Variants in XRCC1 observed in about 807,000 individuals in gnomAD.
XRCC1 encodes the protein X-ray repair cross complementing 1, also known as DNA repair protein XRCC1.
A neutral mutation model predicts 83.3 loss-of-function variants in XRCC1; 52 were observed. That is an observed-to-expected ratio of 0.62 (90% CI 0.50 to 0.79). The LOEUF is 0.79. XRCC1 is among the 30% of genes least tolerant of loss of function. The probability of loss-of-function intolerance (pLI) is 0.00; values close to 1 mark genes in which losing one functional copy is unlikely to be tolerated. For synonymous variants in XRCC1, 281 were observed against 312.6 expected (o/e 0.90, Z 1.07); for missense variants, 793 against 823.5 (o/e 0.96, Z 0.45).
At chr19:43,572,164 C>A (rs1972811977) in intron 2 of XRCC1, among the ~76,000 whole-genome samples, 1 of 152,186 alleles carries the variant, frequency 6.6e-6, no homozygotes, top group Non-Finnish European at 1.5e-5. Flanking sequence ...CTTCTGCCTC[C>A]AGTCACTCTG....
At chr19:43,543,785 C>A in intron 15 of XRCC1, 98 bp from the exon 16 acceptor site, 1 of 1,146,262 alleles carries the variant, frequency 8.7e-7, no homozygotes, top group Non-Finnish European at 1.3e-6. Context: ...CACACTGTCC[C>A]CACCTATGCG....
intron 10 of XRCC1, among the ~76,000 whole-genome samples, chr19:43,550,066 G>A (rs1972559996): frequency 1.3e-5 from 2 of 151,962 alleles, no homozygotes; most frequent in Non-Finnish European, 2.9e-5. Context: ...AACAGAGCCT[G>A]CCCCTGCCCC....
chr19:43,557,792 C>CAAAAAAAAAAAAAAAAAA (rs35267441), intron 3 of XRCC1, among the ~76,000 whole-genome samples: 1 of 41,002 alleles, frequency 2.4e-5, no homozygotes, highest in East Asian at 9.3e-4. Context: ...AATTCCATCT[C>CAAAAAAAAAAAAAAAAAA]AAAAAAAAAA....
chr19:43,554,758 C>G lies in XRCC1; in HGVS notation c.302G>C (p.Ser101Thr). The part of the protein sequence containing the change: ...SSFMSPSESR[S>T]GSNPNRVRMF... ...GCGAACGCGGTTGGGGTTTGAGCCA[C>G]TGCGGCTCTCGGAAGGGGACATGAA... The change falls in exon 4 of 17, where the codon AGT (serine) becomes ACT (threonine). Residue 101 changes from serine (S) to threonine (T), a missense_variant. Physicochemically the swap from Ser to Thr is moderately conservative, Grantham distance 58. Coordinates refer to ENST00000262887, the MANE Select transcript of XRCC1 (RefSeq NM_006297.3). The G allele has an allele frequency of 6.2e-7, 1 of 1,613,908 alleles. No individual in the cohort carries two copies. Among genetic ancestry groups the G allele is most frequent in the Non-Finnish European group, 8.5e-7 (1 of 1,179,830 alleles).
chr19:43,560,963 C>A lies in XRCC1; in HGVS notation c.202G>T (p.Val68Leu). 1.2e-6 allele frequency: 2 copies of A among 1,614,230 alleles called. No individual in the cohort carries two copies. Among genetic ancestry groups the A allele is most frequent in the Non-Finnish European group, 8.5e-7 (1 of 1,180,042 alleles). Reference sequence around the variant, plus strand: ...GCTGAACTGCCCACCAGCACCTCCACGAAAGCTGAGCCATCATTCCCAATG... The same window carrying A: ...GCTGAACTGCCCACCAGCACCTCCAAGAAAGCTGAGCCATCATTCCCAATG... ...VDIGNDGSAF[V>L]EVLVGSSAGG... Residue 68 changes from valine (V) to leucine (L), a missense_variant, in exon 3 of 17, where the codon GTG (valine) becomes TTG (leucine). Coordinates refer to ENST00000262887, the MANE Select transcript of XRCC1 (RefSeq NM_006297.3).
rs1397624896 is a variant in XRCC1, at chr19:43,545,799, G to T, written c.1621+19C>A. The T allele has an allele frequency of 1.2e-6, 2 of 1,612,858 alleles. No homozygotes were observed. The highest frequency in any genetic ancestry group is 2.2e-5 in the South Asian group (2 of 90,992). On this transcript the variant is annotated intron_variant, in intron 14 of 16. Coordinates refer to ENST00000262887, the MANE Select transcript of XRCC1 (RefSeq NM_006297.3). ...AGAAGAGAAAATGCCACTTCAGGAG[G>T]GATGGGGGGATTTCCCACCTGGGAG...
intron 3 of XRCC1, among the ~76,000 whole-genome samples, chr19:43,556,565 A>G (rs1054438701): frequency 1.3e-5 from 2 of 152,204 alleles, no homozygotes; most frequent in Non-Finnish European, 2.9e-5. Flanking sequence ...GCACTTTGGG[A>G]GGCCAAGGCA....
chr19:43,546,982 G>A lies in XRCC1; in HGVS notation c.1200-5C>T, dbSNP rs774569091. On this transcript the variant is annotated splice_polypyrimidine_tract_variant and splice_region_variant and intron_variant, in intron 10 of 16. Transcript: ENST00000262887. ...CCTGGCCCTGCCATGAGGTACCTAG[G>A]GGACAAATCGGGCCTCAGACAAACA... is the stretch of plus-strand genomic sequence containing the variant. 1 of 1,613,326 alleles carries A rather than the reference G, an allele frequency of 6.2e-7. No individual in the cohort carries two copies. The highest frequency in any genetic ancestry group is 1.7e-5 in the Admixed American group (1 of 59,994).
At chr19:43,559,016 C>T (rs1258926455) in intron 3 of XRCC1, among the ~76,000 whole-genome samples, 1 of 151,910 alleles carries the variant, frequency 6.6e-6, no homozygotes, top group African/African-American at 2.4e-5. Context: ...CGGCTCACAC[C>T]TATAGTCCCA....
chr19:43,553,352 G>A (rs2146052031), intron 6 of XRCC1, 49 bp downstream of exon 6: 1 of 1,585,682 alleles, frequency 6.3e-7, no homozygotes, highest in Non-Finnish European at 8.7e-7. Context: ...AGACCCACGA[G>A]TCTAGGTCTC....
intron 3 of XRCC1, among the ~76,000 whole-genome samples, chr19:43,558,647 A>C (rs531985105): frequency 6.6e-5 from 10 of 151,864 alleles, no homozygotes; most frequent in African/African-American, 2.4e-4. Flanking sequence ...TAAATAAATA[A>C]ATAAATAAAT....
chr19:43,559,343 C>T (rs552467308), intron 3 of XRCC1, among the ~76,000 whole-genome samples: 4 of 150,258 alleles, frequency 2.7e-5, no homozygotes, highest in African/African-American at 9.8e-5. Flanking sequence ...ATTAGCCGGG[C>T]ATGGTGGCAC....
At chr19:43,572,763 G>A (rs1046230963) in intron 2 of XRCC1, among the ~76,000 whole-genome samples, 1 of 152,086 alleles carries the variant, frequency 6.6e-6, no homozygotes, top group Non-Finnish European at 1.5e-5. Flanking sequence ...GGAAGTGGAG[G>A]CCATTAGTTG....
intron 3 of XRCC1, among the ~76,000 whole-genome samples, chr19:43,559,309 C>T (rs961973663): frequency 1.5e-4 from 22 of 151,410 alleles, no homozygotes; most frequent in South Asian, 2.1e-4. Context: ...CAGTGAAACC[C>T]TGTCTCTACT....
intron 2 of XRCC1, among the ~76,000 whole-genome samples, chr19:43,564,905 C>CCGGGAGCACTAGAGGAGAA (rs1175956704): frequency 3.3e-5 from 5 of 152,172 alleles, no homozygotes; most frequent in Non-Finnish European, 7.3e-5. Flanking sequence ...TTCCTTCCTT[C>CCGGGAGCACTAGAGGAGAA]CGGGAGCACT....
At chr19:43,554,227 C>T (rs1972612315) in intron 4 of XRCC1, among the ~76,000 whole-genome samples, 1 of 152,200 alleles carries the variant, frequency 6.6e-6, no homozygotes, top group Admixed American at 6.5e-5. Flanking sequence ...CCTTAACCTA[C>T]AGCAACCCTG....
intron 2 of XRCC1, among the ~76,000 whole-genome samples, chr19:43,568,537 T>C (rs1972776256): frequency 1.3e-5 from 2 of 151,480 alleles, no homozygotes; most frequent in African/African-American, 4.9e-5. Context: ...AATAAATAAA[T>C]AAATAAGGTA....
At chr19:43,554,182 A>T (rs1030120179) in intron 4 of XRCC1, among the ~76,000 whole-genome samples, 2 of 151,958 alleles carry the variant, frequency 1.3e-5, no homozygotes, top group Admixed American at 6.6e-5. Context: ...ATCATCACAT[A>T]CTCCAGTCTC....
At chr19:43,548,120 C>T (rs953081861) in intron 10 of XRCC1, among the ~76,000 whole-genome samples, 3 of 147,168 alleles carry the variant, frequency 2.0e-5, no homozygotes, top group Non-Finnish European at 3.0e-5. Context: ...GGGGGGTCAG[C>T]CCCCGCCCGG....
Sources: allele counts gnomAD v4.1 joint callset (sites outside exome capture counted in the v4.1 genomes callset), GRCh38; gene constraint gnomAD v4.1.1; transcripts MANE v1.5; gene names NCBI Gene and HGNC (gene_info 2026-07-23, HGNC 2026-07-21).